LPAR3: variants seen among roughly 807,000 people sequenced by gnomAD.
The protein encoded by LPAR3 is lysophosphatidic acid receptor 3.
In LPAR3, 7 loss-of-function variants were observed where a neutral mutation model predicts 17.8. The ratio of observed to expected loss-of-function variants is 0.39; its 90% CI spans 0.22 to 0.74. The LOEUF (loss-of-function observed/expected upper bound fraction) is 0.74, where lower values mean the gene tolerates loss of function less well. Ranked by LOEUF, LPAR3 falls within the 30% of genes least tolerant of loss-of-function variation. LPAR3 has a pLI of 0.40. For missense variants in LPAR3, 391 were observed against 453.4 expected, an observed-to-expected ratio of 0.86 and a Z score of 1.25; for synonymous variants, 179 against 179.9, an observed-to-expected ratio of 0.99 and a Z score of 0.04.
chr1:84,847,072 C>T (rs1352031788), intron 2 of LPAR3, among the ~76,000 whole-genome samples: 1 of 152,176 alleles, frequency 6.6e-6, no homozygotes, highest in East Asian at 1.9e-4. Context: ...TCCTCCATTT[C>T]TGACCCACCA....
chr1:84,822,195 G>A (rs1206459552), intron 2 of LPAR3, among the ~76,000 whole-genome samples: 3 of 151,856 alleles, frequency 2.0e-5, no homozygotes, highest in Admixed American at 6.6e-5. Flanking sequence ...TTGATAAGAA[G>A]CAATTTTTTT....
intron 1 of LPAR3, among the ~76,000 whole-genome samples, chr1:84,882,006 T>C (rs549996348): frequency 6.6e-6 from 1 of 152,206 alleles, no homozygotes; most frequent in South Asian, 2.1e-4. Flanking sequence ...GAAAAATAAA[T>C]AAAAGTCATA....
At chr1:84,843,722 T>C (rs1302881148) in intron 2 of LPAR3, among the ~76,000 whole-genome samples, 1 of 152,250 alleles carries the variant, frequency 6.6e-6, no homozygotes, top group African/African-American at 2.4e-5. Flanking sequence ...AAACATGGCA[T>C]TCTATAAAGA....
intron 2 of LPAR3, among the ~76,000 whole-genome samples, chr1:84,839,850 C>T (rs998744419): frequency 6.6e-6 from 1 of 152,172 alleles, no homozygotes; most frequent in Non-Finnish European, 1.5e-5. Flanking sequence ...GGTGATAATA[C>T]ATACTTCATA....
intron 2 of LPAR3, among the ~76,000 whole-genome samples, chr1:84,832,461 G>A (rs1030077735): frequency 2.0e-5 from 3 of 152,112 alleles, no homozygotes; most frequent in African/African-American, 4.8e-5. Flanking sequence ...TGGAATAGGC[G>A]AATGAGTCAG....
chr1:84,858,369 A>G (rs1659869382), intron 2 of LPAR3, among the ~76,000 whole-genome samples: 1 of 151,708 alleles, frequency 6.6e-6, no homozygotes, highest in African/African-American at 2.4e-5. Flanking sequence ...CTATAATCCC[A>G]ACTATTCAGG....
At chr1:84,886,304 T>C (rs1446929765) in intron 1 of LPAR3, among the ~76,000 whole-genome samples, 1 of 152,136 alleles carries the variant, frequency 6.6e-6, no homozygotes, top group African/African-American at 2.4e-5. Context: ...GGCAGGAGGA[T>C]GATTCAAGGC....
chr1:84,832,848 G>A (rs1037730700), intron 2 of LPAR3, among the ~76,000 whole-genome samples: 1 of 152,006 alleles, frequency 6.6e-6, no homozygotes, highest in Non-Finnish European at 1.5e-5. Context: ...CCACATTTGG[G>A]TACATCAGAT....
chr1:84,838,778 G>A (rs972358017), intron 2 of LPAR3, among the ~76,000 whole-genome samples: 2 of 152,090 alleles, frequency 1.3e-5, no homozygotes, highest in Admixed American at 6.5e-5. Context: ...GGACACAGCC[G>A]GACAGGCAGG....
intron 1 of LPAR3, among the ~76,000 whole-genome samples, chr1:84,872,260 C>T (rs978097487): frequency 6.6e-6 from 1 of 152,168 alleles, no homozygotes; most frequent in Non-Finnish European, 1.5e-5. Flanking sequence ...AGCATTATTA[C>T]TTTATGCTTC....
Position 84,811,807 on chromosome 1 carries a change from G to A in LPAR3, c.*2039C>T, listed in dbSNP as rs763507739. ...TGTTATATCACAATAGCAAAAAAAT[G>A]TAAACTTCTTTTGCAAACTACATAA... On this transcript the variant is annotated 3_prime_UTR_variant, in exon 3 of 3. Transcript: ENST00000370611. 2.0e-5 allele frequency: 3 copies of A among 152,096 alleles called. No individual in the cohort carries two copies. Among genetic ancestry groups the A allele is most frequent in the Non-Finnish European group, 4.4e-5 (3 of 68,012 alleles). The allele number at this position is 152,096 out of a possible 1,614,324, so 9.4% of individuals were successfully genotyped here.
intron 1 of LPAR3, among the ~76,000 whole-genome samples, chr1:84,879,316 C>CTTTTTTTTTTTTTTTTTTTTTTTTTTTTT (rs1187756554): frequency 1.7e-4 from 21 of 120,596 alleles, no homozygotes; most frequent in African/African-American, 4.5e-4. Context: ...TTTCTTTTTT[C>CTTTTTTTTTTTTTTTTTTTTTTTTTTTTT]TTTTTTTTTT....
At chr1:84,870,461 A>C (rs976435868) in intron 1 of LPAR3, among the ~76,000 whole-genome samples, 1 of 152,272 alleles carries the variant, frequency 6.6e-6, no homozygotes, top group Non-Finnish European at 1.5e-5. Flanking sequence ...GTCTAAAATG[A>C]AAAGGTTCTG....
At chr1:84,874,962 C>T (rs1053405563) in intron 1 of LPAR3, among the ~76,000 whole-genome samples, 9 of 149,374 alleles carry the variant, frequency 6.0e-5, no homozygotes, top group East Asian at 2.0e-4. Flanking sequence ...TGCAGTGGTA[C>T]GATCTTGGCT....
rs568390568 is a variant in LPAR3, at chr1:84,842,171, C to A, written c.736+23214G>T. Among the ~76,000 whole-genome samples, 3 of 152,228 alleles carry A rather than the reference C, an allele frequency of 2.0e-5. No homozygotes were observed. The South Asian group carries it at 6.2e-4, about 32-fold the overall frequency. On this transcript the variant is annotated intron_variant, in intron 2 of 2. Transcript: ENST00000370611. ...TTGGGTTGTATGAGACACTAGTGTT[C>A]CTCTCCTTTTTCACTTAAGCTGACG...
intron 2 of LPAR3, among the ~76,000 whole-genome samples, chr1:84,835,429 T>C (rs1026710022): frequency 2.0e-5 from 3 of 152,184 alleles, no homozygotes; most frequent in Non-Finnish European, 1.5e-5. Flanking sequence ...CTCATCTTTG[T>C]GGAGTTGTGA....
At chr1:84,860,981 C>T (rs1180374809) in intron 2 of LPAR3, among the ~76,000 whole-genome samples, 9 of 151,938 alleles carry the variant, frequency 5.9e-5, no homozygotes, top group African/African-American at 1.2e-4. Context: ...TCAAGTGATC[C>T]GCCCGCCTCG....
intron 1 of LPAR3, among the ~76,000 whole-genome samples, chr1:84,869,421 G>GA (rs1281788824): frequency 6.6e-6 from 1 of 151,674 alleles, no homozygotes; most frequent in Non-Finnish European, 1.5e-5. Flanking sequence ...GGTAATGAGA[G>GA]AAAAAAAACT....
intron 1 of LPAR3, among the ~76,000 whole-genome samples, chr1:84,872,414 G>A (rs993849915): frequency 4.6e-5 from 7 of 152,208 alleles, no homozygotes; most frequent in East Asian, 3.9e-4. Context: ...AGTCAGGGTC[G>A]TTCTGAAGGA....
Sources: allele counts gnomAD v4.1 joint callset (sites outside exome capture counted in the v4.1 genomes callset), GRCh38; gene constraint gnomAD v4.1.1; transcripts MANE v1.5; gene names NCBI Gene and HGNC (gene_info 2026-07-23, HGNC 2026-07-21).